The following HPCAL1 variants were observed in gnomAD, a reference collection of about 807,000 sequenced individuals.
HPCAL1 encodes hippocalcin like 1, also known as hippocalcin-like protein 1.
In HPCAL1, 8 loss-of-function variants were observed where a neutral mutation model predicts 17.1. That is an observed-to-expected ratio of 0.47 (90% CI 0.27 to 0.84). The LOEUF (loss-of-function observed/expected upper bound fraction) is 0.84, where lower values mean the gene tolerates loss of function less well. Ranked by LOEUF, HPCAL1 falls within the 40% of genes least tolerant of loss-of-function variation. The pLI, the probability that HPCAL1 is intolerant of heterozygous loss-of-function variation, is 0.13. For synonymous variants in HPCAL1, 112 were observed against 111.4 expected (o/e 1.01, Z -0.03); for missense variants, 165 against 271.1 (o/e 0.61, Z 2.75).
intron 1 of HPCAL1, among the ~76,000 whole-genome samples, chr2:10,356,469 G>A (rs1430566464): frequency 6.6e-6 from 1 of 152,158 alleles, no homozygotes; most frequent in Admixed American, 6.5e-5. Context: ...GACTCAGAGG[G>A]TGGTGGGGGG....
At chr2:10,318,826 G>C (rs1663487834) in intron 1 of HPCAL1, among the ~76,000 whole-genome samples, 1 of 152,150 alleles carries the variant, frequency 6.6e-6, no homozygotes, top group African/African-American at 2.4e-5. Context: ...AGGAAAATAA[G>C]TGCCTCCCTA....
At chr2:10,388,289 C>G (rs556061264) in intron 1 of HPCAL1, among the ~76,000 whole-genome samples, 29 of 152,220 alleles carry the variant, frequency 1.9e-4, no homozygotes, top group Admixed American at 6.5e-5. Flanking sequence ...TATCTTCCTC[C>G]TTCCAGAACA....
At position 10,344,805 on chromosome 2, in the gene HPCAL1, TTC is replaced by T. The variant is rs1212117176; in HGVS notation, c.-111+41636_-111+41637del. On this transcript the variant is annotated intron_variant, in intron 1 of 4. Coordinates refer to ENST00000307845, the MANE Select transcript of HPCAL1 (RefSeq NM_002149.4). This position sits in a 1 kb window ranked among gnomAD's most constrained non-coding sequence, Gnocchi z 4.9. ...TGCCTGACTTTCTGTCTCTTTCTGC[TTC>T]TCTCTCTGTGTCTGTCTCTGTCTCT... 2.0e-5 allele frequency among the ~76,000 whole-genome samples: 3 copies of T among 149,288 alleles called. No individual in the cohort carries two copies. The highest frequency in any genetic ancestry group is 6.7e-5 in the Admixed American group (1 of 15,004).
At chr2:10,349,698 G>A (rs1665712246) in intron 1 of HPCAL1, among the ~76,000 whole-genome samples, 2 of 52,682 alleles carry the variant, frequency 3.8e-5, no homozygotes, top group East Asian at 4.7e-4. Flanking sequence ...GCAAGACTCT[G>A]TCTCAAAAAA....
intron 1 of HPCAL1, among the ~76,000 whole-genome samples, chr2:10,317,058 G>C (rs1663359493): frequency 6.6e-6 from 1 of 152,208 alleles, no homozygotes; most frequent in Non-Finnish European, 1.5e-5. Context: ...AGACAGGTAG[G>C]TTGCTATGGA....
chr2:10,422,847 T>C (rs904938548), intron 3 of HPCAL1, 136 bp from the exon 4 acceptor site: 19 of 624,770 alleles, frequency 3.0e-5, no homozygotes, highest in Non-Finnish European at 4.4e-5. Flanking sequence ...TTCTCCCCAC[T>C]GGGGAAGGGT....
chr2:10,337,404 G>A (rs2125435038), intron 1 of HPCAL1, among the ~76,000 whole-genome samples: 1 of 152,204 alleles, frequency 6.6e-6, no homozygotes, highest in Middle Eastern at 3.4e-3. Flanking sequence ...TGAATTATAG[G>A]TAATTATTCA....
At chr2:10,364,931 G>A (rs1208213241) in intron 1 of HPCAL1, among the ~76,000 whole-genome samples, 1 of 152,002 alleles carries the variant, frequency 6.6e-6, no homozygotes, top group Non-Finnish European at 1.5e-5. Flanking sequence ...GAGGTAGGGG[G>A]ACCAAGCCCT....
chr2:10,378,221 A>C (rs1239539665), intron 1 of HPCAL1, among the ~76,000 whole-genome samples: 1 of 114,340 alleles, frequency 8.7e-6, no homozygotes, highest in African/African-American at 3.5e-5. Context: ...AGGTGGTTTC[A>C]TGTTTTTTTT....
At chr2:10,412,015 A>T (rs1670392426) in intron 2 of HPCAL1, among the ~76,000 whole-genome samples, 1 of 152,204 alleles carries the variant, frequency 6.6e-6, no homozygotes, top group South Asian at 2.1e-4. Flanking sequence ...GAGTCGCAGT[A>T]CAGGGTTCCA....
chr2:10,324,042 A>G (rs1663835705), intron 1 of HPCAL1, among the ~76,000 whole-genome samples: 1 of 152,258 alleles, frequency 6.6e-6, no homozygotes, highest in African/African-American at 2.4e-5. Flanking sequence ...TTTTCCAGTT[A>G]ATGAAAATTT....
Position 10,359,050 on chromosome 2 carries a change from A to G in HPCAL1, c.-110-37785A>G, listed in dbSNP as rs995250847. On this transcript the variant is annotated intron_variant, in intron 1 of 4. Transcript: ENST00000307845. The surrounding 1 kb of genome is among the most constrained non-coding windows in gnomAD (Gnocchi z 4.1). ...TCCCCTTGAGGTTTGACCCGTCTGC[A>G]TGCTCCCCTCGAGGTTTGACCCGTC... Among the ~76,000 whole-genome samples, 1 of 151,788 alleles carries G rather than the reference A, an allele frequency of 6.6e-6. No individual in the cohort carries two copies. Among genetic ancestry groups the G allele is most frequent in the Non-Finnish European group, 1.5e-5 (1 of 67,950 alleles).
intron 1 of HPCAL1, among the ~76,000 whole-genome samples, chr2:10,386,428 A>G (rs376552707): frequency 2.0e-5 from 3 of 151,946 alleles, no homozygotes; most frequent in African/African-American, 4.8e-5. Context: ...AATCATTTAC[A>G]TGTTTATTGA....
chr2:10,399,298 TCACCAC>T (rs1572816460), intron 2 of HPCAL1, among the ~76,000 whole-genome samples: 23 of 7,942 alleles, frequency 2.9e-3, no homozygotes, highest in Admixed American at 6.4e-3. Flanking sequence ...ACCACCACCA[TCACCAC>T]CACCACCACC....
intron 1 of HPCAL1, among the ~76,000 whole-genome samples, chr2:10,391,031 C>T (rs925027009): frequency 6.6e-6 from 1 of 152,222 alleles, no homozygotes; most frequent in African/African-American, 2.4e-5. Context: ...TGACTGCCTA[C>T]CCGATGCCCA....
intron 4 of HPCAL1, 85 bp from the exon 5 acceptor site, chr2:10,426,639 C>A: frequency 9.4e-7 from 1 of 1,068,978 alleles, no homozygotes; most frequent in Non-Finnish European, 1.5e-6. Context: ...GGGAGCATAC[C>A]TGACCTGAGA....
At chr2:10,421,346 G>A (rs979158918) in intron 3 of HPCAL1, among the ~76,000 whole-genome samples, 3 of 152,206 alleles carry the variant, frequency 2.0e-5, no homozygotes, top group African/African-American at 2.4e-5. Context: ...CTAGGTATGC[G>A]AGAGAGAGTA....
At chr2:10,368,258 A>G (rs1666986259) in intron 1 of HPCAL1, among the ~76,000 whole-genome samples, 2 of 136,268 alleles carry the variant, frequency 1.5e-5, no homozygotes, top group African/African-American at 2.9e-5. Flanking sequence ...CATTGTGTGT[A>G]GGTTTGTGCA....
Position 10,344,813 on chromosome 2 carries a change from C to G in HPCAL1, c.-111+41636C>G, listed in dbSNP as rs995372414. On this transcript the variant is annotated intron_variant, in intron 1 of 4. Transcript: ENST00000307845. The surrounding 1 kb of genome is among the most constrained non-coding windows in gnomAD (Gnocchi z 4.9). ...TTTCTGTCTCTTTCTGCTTCTCTCT[C>G]TGTGTCTGTCTCTGTCTCTCTCTTT... 1.3e-5 allele frequency among the ~76,000 whole-genome samples: 2 copies of G among 151,434 alleles called. No homozygotes were observed. Among genetic ancestry groups the G allele is most frequent in the Non-Finnish European group, 2.9e-5 (2 of 67,842 alleles).
Sources: gnomAD v4.1 joint callset for allele counts (sites outside exome capture counted in the v4.1 genomes callset) on GRCh38, gnomAD v4.1.1 for gene constraint, Gnocchi (gnomAD v3.1) non-coding constraint, MANE v1.5 for transcripts, NCBI Gene and HGNC (gene_info 2026-07-23, HGNC 2026-07-21) for gene names.